The following LOC122539214 variants were observed in gnomAD, a reference collection of about 807,000 sequenced individuals.
chr19:52,687,590 ATATAT>A, the LOC122539214 span, among the ~76,000 whole-genome samples: 32 of 37,672 alleles, frequency 8.5e-4, no homozygotes, highest in African/African-American at 2.5e-3. Flanking sequence ...ATATATATAT[ATATAT>A]AATGTATATA....
the LOC122539214 span, among the ~76,000 whole-genome samples, chr19:52,661,391 A>G: frequency 0.28 from 42,896 of 151,992 alleles, 6,290 homozygotes; most frequent in Middle Eastern, 0.36. Context: ...GACCTTCAGG[A>G]CACAGATCTG....
the LOC122539214 span, among the ~76,000 whole-genome samples, chr19:52,686,609 T>C: frequency 6.6e-6 from 1 of 152,254 alleles, no homozygotes; most frequent in South Asian, 2.1e-4. Flanking sequence ...AGACTCGCTA[T>C]GCCACCCAGG....
At chr19:52,671,645 G>C in the LOC122539214 span, among the ~76,000 whole-genome samples, 3 of 152,056 alleles carry the variant, frequency 2.0e-5, no homozygotes, top group East Asian at 5.8e-4. Context: ...GTCCCACTAT[G>C]ATGCTCAGGC....
chr19:52,680,606 ATTTT>A, the LOC122539214 span, among the ~76,000 whole-genome samples: 1,909 of 88,844 alleles, frequency 0.021, 7 homozygotes, highest in African/African-American at 0.035. Flanking sequence ...TCCACAAAAT[ATTTT>A]TTTTTTTTTT....
chr19:52,657,605 T>C, the LOC122539214 span, among the ~76,000 whole-genome samples: 6 of 152,184 alleles, frequency 3.9e-5, no homozygotes, highest in African/African-American at 1.4e-4. Flanking sequence ...CCCAGCACTT[T>C]GGGATGCCAA....
At chr19:52,652,866 G>C in the LOC122539214 span, 1 of 1,007,450 alleles carries the variant, frequency 9.9e-7, no homozygotes, top group African/African-American at 1.6e-5. Flanking sequence ...ACATATGACT[G>C]AAGGTCTTGC....
the LOC122539214 span, among the ~76,000 whole-genome samples, chr19:52,685,751 A>G: frequency 6.6e-6 from 1 of 152,016 alleles, no homozygotes; most frequent in African/African-American, 2.4e-5. Context: ...ACAAAAAATG[A>G]GCCAGGCATG....
At chr19:52,678,272 G>A in the LOC122539214 span, among the ~76,000 whole-genome samples, 1 of 151,324 alleles carries the variant, frequency 6.6e-6, no homozygotes, top group Non-Finnish European at 1.5e-5. Flanking sequence ...CCAAGATGGT[G>A]AAACCCCGTC....
chr19:52,680,649 G>A, the LOC122539214 span, among the ~76,000 whole-genome samples: 1 of 110,414 alleles, frequency 9.1e-6, no homozygotes, highest in African/African-American at 3.9e-5. Flanking sequence ...GTCTCGCTCT[G>A]TCGCCCAGGC....
chr19:52,688,167 C>T, the LOC122539214 span, among the ~76,000 whole-genome samples: 137 of 152,078 alleles, frequency 9.0e-4, no homozygotes, highest in Middle Eastern at 0.014. Context: ...TCCCAAAGTC[C>T]CCCTGCCCCT....
the LOC122539214 span, chr19:52,653,036 A>G: frequency 6.8e-7 from 1 of 1,472,088 alleles, no homozygotes; most frequent in Non-Finnish European, 9.5e-7. Flanking sequence ...TGTTGATTAA[A>G]AACCTTGCCA....
chr19:52,686,526 C>A, the LOC122539214 span, among the ~76,000 whole-genome samples: 2 of 150,346 alleles, frequency 1.3e-5, no homozygotes, highest in East Asian at 3.9e-4. Context: ...AAATCTATTA[C>A]ACAACAAGAA....
chr19:52,671,467 A>G, the LOC122539214 span, among the ~76,000 whole-genome samples: 34,996 of 151,756 alleles, frequency 0.23, 5,062 homozygotes, highest in South Asian at 0.32. Flanking sequence ...TCCTTCAGAC[A>G]GGACCTAGTT....
At chr19:52,655,462 A>G in the LOC122539214 span, 1 of 1,133,502 alleles carries the variant, frequency 8.8e-7, no homozygotes, top group South Asian at 1.4e-5. Context: ...GTACATCAAA[A>G]GCATGTATGC....
the LOC122539214 span, among the ~76,000 whole-genome samples, chr19:52,658,387 G>A: frequency 1.3e-5 from 2 of 152,122 alleles, no homozygotes; most frequent in Admixed American, 6.5e-5. Context: ...CCAACATGGT[G>A]AAATTTCATC....
the LOC122539214 span, among the ~76,000 whole-genome samples, chr19:52,677,500 A>T: frequency 6.6e-6 from 1 of 151,854 alleles, no homozygotes; most frequent in Admixed American, 6.6e-5. Context: ...AGAAAAAAAG[A>T]AAAAGAGATC....
the LOC122539214 span, among the ~76,000 whole-genome samples, chr19:52,665,524 T>G: frequency 6.6e-6 from 1 of 152,196 alleles, no homozygotes; most frequent in African/African-American, 2.4e-5. Flanking sequence ...AGTTCTAAAT[T>G]TCTCTTCAAA....
the LOC122539214 span, among the ~76,000 whole-genome samples, chr19:52,685,249 G>A: frequency 6.6e-6 from 1 of 152,112 alleles, no homozygotes; most frequent in African/African-American, 2.4e-5. Flanking sequence ...TTGCAGGGAC[G>A]CTCACTGGGC....
chr19:52,673,727 A>T, the LOC122539214 span, among the ~76,000 whole-genome samples: 3 of 151,882 alleles, frequency 2.0e-5, no homozygotes, highest in Non-Finnish European at 2.9e-5. Context: ...CCAACTCAAA[A>T]AAATAAATAA....
Sources: allele counts gnomAD v4.1 joint callset (sites outside exome capture counted in the v4.1 genomes callset), GRCh38; gene constraint gnomAD v4.1.1; transcripts MANE v1.5.